DPY19L3: variants seen among roughly 807,000 people sequenced by gnomAD.
The protein encoded by DPY19L3 is dpy-19 like C-mannosyltransferase 3.
In DPY19L3, 51 loss-of-function variants were observed where a neutral mutation model predicts 92.3. That is an observed-to-expected ratio of 0.55 (90% CI 0.44 to 0.70). The LOEUF (loss-of-function observed/expected upper bound fraction) is 0.70. Ranked by LOEUF, DPY19L3 falls within the 30% of genes least tolerant of loss-of-function variation. The pLI, the probability that DPY19L3 is intolerant of heterozygous loss-of-function variation, is 0.00. For synonymous variants in DPY19L3, 309 were observed against 315.2 expected, an observed-to-expected ratio of 0.98 and a Z score of 0.21; for missense variants, 706 against 855.9, an observed-to-expected ratio of 0.82 and a Z score of 2.18.
Position 32,468,833 on chromosome 19 carries a change from C to T in DPY19L3, c.1697+20C>T, listed in dbSNP as rs772207045. 2 of 1,606,776 alleles carry T rather than the reference C, an allele frequency of 1.2e-6. No homozygotes were observed. Among genetic ancestry groups the T allele is most frequent in the South Asian group, 1.1e-5 (1 of 89,410 alleles). On this transcript the variant is annotated intron_variant, in intron 16 of 18. Coordinates refer to ENST00000392250, the MANE Select transcript of DPY19L3 (RefSeq NM_001172774.2). ...GATTAAGTAAGAGGATTTTTTTTAA[C>T]TTTTAAAATTTTAAGTGCCTTTTAA...
intron 14 of DPY19L3, among the ~76,000 whole-genome samples, chr19:32,464,396 T>G (rs1188387859): frequency 6.6e-6 from 1 of 152,206 alleles, no homozygotes; most frequent in Admixed American, 6.5e-5. Flanking sequence ...TAGGTGGCAA[T>G]ATAGTAGAAG....
chr19:32,407,712 C>T (rs1978383), intron 1 of DPY19L3, among the ~76,000 whole-genome samples: 7,655 of 152,248 alleles, frequency 0.05, 487 homozygotes, highest in Admixed American at 0.18. Context: ...AGAGCACATG[C>T]TTCATGAATA....
At chr19:32,458,281 G>A (rs1969930072) in intron 11 of DPY19L3, 70 bp from the exon 12 acceptor site, 4 of 1,585,876 alleles carry the variant, frequency 2.5e-6, no homozygotes, top group Non-Finnish European at 2.6e-6. Context: ...GACTCCCTCT[G>A]AGGAAAGATG....
chr19:32,463,726 C>T (rs1011840179), intron 13 of DPY19L3, 143 bp from the exon 14 acceptor site: 4 of 877,786 alleles, frequency 4.6e-6, no homozygotes, highest in Middle Eastern at 3.0e-4. Context: ...AGTTAAACAA[C>T]GAACCCTTCG....
chr19:32,418,718 T>G (rs1460525625), intron 3 of DPY19L3, among the ~76,000 whole-genome samples: 5 of 152,208 alleles, frequency 3.3e-5, no homozygotes, highest in Non-Finnish European at 7.3e-5. Flanking sequence ...GTTATAACTT[T>G]TTCTCATCAA....
intron 10 of DPY19L3, among the ~76,000 whole-genome samples, chr19:32,455,473 T>A (rs1235480884): frequency 1.3e-5 from 2 of 152,176 alleles, no homozygotes; most frequent in Non-Finnish European, 2.9e-5. Context: ...AAGCTTAACT[T>A]AAAAAGCATT....
chr19:32,464,849 A>T, intron 15 of DPY19L3, 65 bp downstream of exon 15: 1 of 1,170,544 alleles, frequency 8.5e-7, no homozygotes, highest in Non-Finnish European at 1.2e-6. Flanking sequence ...TTGATTCAAT[A>T]TATTTTGTGT....
chr19:32,424,589 C>T (rs11882208), intron 3 of DPY19L3, among the ~76,000 whole-genome samples: 1,979 of 151,636 alleles, frequency 0.013, 49 homozygotes, highest in African/African-American at 0.044. Context: ...AAGATCATGC[C>T]GTTGTGCTCC....
intron 4 of DPY19L3, among the ~76,000 whole-genome samples, chr19:32,434,008 C>T (rs1202861169): frequency 2.0e-5 from 3 of 152,150 alleles, no homozygotes; most frequent in East Asian, 3.9e-4. Flanking sequence ...AAAACCTTCT[C>T]GTTAATTGTT....
rs1970507716 is a variant in DPY19L3, at chr19:32,476,334, TA to T, written c.1698-1186del. Among the ~76,000 whole-genome samples the T allele has an allele frequency of 3.9e-5, 6 of 152,064 alleles. No individual in the cohort carries two copies. In the South Asian group the frequency reaches 1.2e-3, roughly 32 times the overall value. ...TTAATGATTTTAAATAAACTCCTCATAACCATCTTCCTCATTTTAGTTCAGT... is the reference window on the plus strand; with the variant it reads ...TTAATGATTTTAAATAAACTCCTCATACCATCTTCCTCATTTTAGTTCAGT... On this transcript the variant is annotated intron_variant, in intron 16 of 18. Transcript: ENST00000392250.
chr19:32,480,922 A>G, intron 18 of DPY19L3: 1 of 422,290 alleles, frequency 2.4e-6, no homozygotes, highest in East Asian at 3.5e-5. Flanking sequence ...CGTATTGGCT[A>G]GCTGCTGCAT....
At chr19:32,431,915 T>TG (rs1347904005) in intron 3 of DPY19L3, among the ~76,000 whole-genome samples, 1 of 152,146 alleles carries the variant, frequency 6.6e-6, no homozygotes, top group Non-Finnish European at 1.5e-5. Context: ...ATCAATACGG[T>TG]GAAAAAAATA....
chr19:32,414,662 A>G (rs536104086), intron 3 of DPY19L3, among the ~76,000 whole-genome samples: 2 of 152,314 alleles, frequency 1.3e-5, no homozygotes, highest in South Asian at 2.1e-4. Flanking sequence ...ATATATTAAC[A>G]TAAGTATTTT....
intron 10 of DPY19L3, among the ~76,000 whole-genome samples, chr19:32,457,393 G>A (rs934869793): frequency 2.6e-5 from 4 of 152,164 alleles, no homozygotes; most frequent in Admixed American, 2.6e-4. Flanking sequence ...TGCATTTGCT[G>A]CTGGAATGCA....
At position 32,416,333 on chromosome 19, in the gene DPY19L3, C is replaced by T. The variant is rs112419910; in HGVS notation, c.237+4961C>T. 7.9e-3 allele frequency among the ~76,000 whole-genome samples: 1,199 copies of T among 152,310 alleles called. 15 individuals carry two copies. Among genetic ancestry groups the T allele is most frequent in the African/African-American group, 0.027 (1,109 of 41,554 alleles). On this transcript the variant is annotated intron_variant, in intron 3 of 18. Coordinates refer to ENST00000392250, the MANE Select transcript of DPY19L3 (RefSeq NM_001172774.2). ...ATGGACATGCCATTTTCTGTGACAA[C>T]GAGCACCGGGAGGAGCAGAGCTGGA...
In DPY19L3 at chr19:32,408,198, C is replaced by T; in HGVS notation, c.-37-19C>T. On this transcript the variant is annotated intron_variant, in intron 1 of 18. Transcript: ENST00000392250. ...GGGGAGAAGGCACTGACGTTGATGG[C>T]CTGTTTATTGCTATCTAGGAGTGAT... The T allele has an allele frequency of 1.6e-6, 2 of 1,279,304 alleles. No individual in the cohort carries two copies. Among genetic ancestry groups the T allele is most frequent in the East Asian group, 2.3e-5 (1 of 43,078 alleles). The allele number at this position is 1,279,304 out of a possible 1,614,324, so 79.2% of individuals were successfully genotyped here.
Position 32,423,863 on chromosome 19 carries a change from A to T in DPY19L3, c.238-8853A>T, listed in dbSNP as rs151170794. Among the ~76,000 whole-genome samples the T allele has an allele frequency of 2.6e-4, 40 of 151,738 alleles. No individual in the cohort carries two copies. In the East Asian group the frequency reaches 7.8e-3, roughly 30 times the overall value. ...AACCCCATCTCTAAAAACAAAAACA[A>T]TTTGCCAGGCATGGTGGCATGTGCC... On this transcript the variant is annotated intron_variant, in intron 3 of 18. Coordinates refer to ENST00000392250, the MANE Select transcript of DPY19L3 (RefSeq NM_001172774.2).
rs1328992040 is a variant in DPY19L3 at position 32,413,808 on chromosome 19, A to C, written c.237+2436A>C. On this transcript the variant is annotated intron_variant, in intron 3 of 18. Coordinates refer to ENST00000392250, the MANE Select transcript of DPY19L3 (RefSeq NM_001172774.2). ...CAATTACAGCTCGCTGCAGCCCCCA[A>C]ACTCTGGGCTGAATTGAAGCATTAC... Among the ~76,000 whole-genome samples the C allele has an allele frequency of 1.1e-4, 17 of 151,922 alleles. No homozygotes were observed. The South Asian group carries it at 3.1e-3, about 28-fold the overall frequency.
intron 3 of DPY19L3, among the ~76,000 whole-genome samples, chr19:32,421,644 AAAG>A (rs375054393): frequency 0.022 from 715 of 32,498 alleles, 12 homozygotes; most frequent in Middle Eastern, 0.031. Context: ...AAAAAAAAAA[AAAG>A]AGAGAGGAGT....
Sources: gnomAD v4.1 joint callset for allele counts (sites outside exome capture counted in the v4.1 genomes callset) on GRCh38, gnomAD v4.1.1 for gene constraint, MANE v1.5 for transcripts, NCBI Gene and HGNC (gene_info 2026-07-23, HGNC 2026-07-21) for gene names.